Variants in PDE1C observed in about 807,000 individuals in gnomAD.
The protein encoded by PDE1C is dual specificity calcium/calmodulin-dependent 3',5'-cyclic nucleotide phosphodiesterase 1C.
In PDE1C, 62 loss-of-function variants were observed where a neutral mutation model predicts 93.1. That is an observed-to-expected ratio of 0.67 (90% CI 0.54 to 0.82). The LOEUF (loss-of-function observed/expected upper bound fraction) is 0.82. Ranked by LOEUF, PDE1C falls within the 40% of genes least tolerant of loss-of-function variation. The pLI is 0.00. For missense variants in PDE1C, 742 were observed against 884.6 expected, an observed-to-expected ratio of 0.84 and a Z score of 2.04; for synonymous variants, 325 against 310.1, an observed-to-expected ratio of 1.05 and a Z score of -0.50.
intron 7 of PDE1C, among the ~76,000 whole-genome samples, chr7:31,852,174 T>C (rs1288821122): frequency 6.6e-6 from 1 of 152,168 alleles, no homozygotes; most frequent in Non-Finnish European, 1.5e-5. Context: ...TCTTTAAAAA[T>C]TGGTAAGGGG....
At chr7:32,299,043 C>G (rs1585095708) in exon 1 of PDE1C, 12 of 1,149,608 alleles carry the variant, frequency 1.0e-5, no homozygotes, top group Non-Finnish European at 1.3e-5. Context: ...AGCGCGTGGA[C>G]GGGGCTGACC....
chr7:32,312,136 G>A (rs1005910240), intron 1 of PDE1C, among the ~76,000 whole-genome samples: 2 of 151,992 alleles, frequency 1.3e-5, no homozygotes, highest in African/African-American at 4.8e-5. Context: ...GCCAAATCAT[G>A]AGTGAACTCC....
intron 1 of PDE1C, among the ~76,000 whole-genome samples, chr7:32,236,879 A>C (rs1808122478): frequency 6.6e-6 from 1 of 152,176 alleles, no homozygotes; most frequent in Non-Finnish European, 1.5e-5. Flanking sequence ...CAAAAACTGG[A>C]AACAACCCAA....
In PDE1C at chr7:32,122,032, CAAGCAAATGGAAAGCAAAAAAAT is replaced by C. The variant is rs1289932659; in HGVS notation, c.308+47730_308+47752del. Reference sequence around the variant, plus strand: ...AATAAGGGGAAGGAGGAAAATTTACCAAGCAAATGGAAAGCAAAAAAATAGCAAGGGCTGCAATCCTAGTCTCT... The same window carrying C: ...AATAAGGGGAAGGAGGAAAATTTACCAGCAAGGGCTGCAATCCTAGTCTCT... On this transcript the variant is annotated intron_variant, in intron 3 of 18. Coordinates refer to the PDE1C transcript ENST00000396193. 5.9e-5 allele frequency among the ~76,000 whole-genome samples: 9 copies of C among 152,242 alleles called. No homozygotes were observed. The East Asian group carries it at 1.7e-3, about 29-fold the overall frequency.
At chr7:32,331,419 C>T (rs1338304662) in intron 1 of PDE1C, among the ~76,000 whole-genome samples, 2 of 152,192 alleles carry the variant, frequency 1.3e-5, no homozygotes, top group African/African-American at 2.4e-5. Context: ...CAGAAAGAAA[C>T]ATGTCATTAC....
At chr7:32,148,404 T>A (rs2128788008) in intron 3 of PDE1C, among the ~76,000 whole-genome samples, 2 of 152,294 alleles carry the variant, frequency 1.3e-5, no homozygotes, top group Admixed American at 1.3e-4. Flanking sequence ...GTGTGTAATT[T>A]ACACTTACAG....
At chr7:31,967,416 G>T in intron 2 of PDE1C, among the ~76,000 whole-genome samples, 1 of 151,968 alleles carries the variant, frequency 6.6e-6, no homozygotes, top group Non-Finnish European at 1.5e-5. Context: ...CCAGGAAGAA[G>T]TTGAATCTCT....
intron 3 of PDE1C, among the ~76,000 whole-genome samples, chr7:32,154,097 T>A (rs1466896519): frequency 1.3e-5 from 2 of 152,056 alleles, no homozygotes; most frequent in Non-Finnish European, 2.9e-5. Flanking sequence ...GTACAAAAAA[T>A]ATTTTTTAAA....
intron 1 of PDE1C, among the ~76,000 whole-genome samples, chr7:32,345,669 T>C (rs1783839629): frequency 6.6e-6 from 1 of 152,078 alleles, no homozygotes; most frequent in Non-Finnish European, 1.5e-5. Flanking sequence ...ACAACTCAAT[T>C]TAAAAATAAT....
chr7:31,673,151 TG>T, the PDE1C span, among the ~76,000 whole-genome samples: 55 of 152,148 alleles, frequency 3.6e-4, no homozygotes, highest in African/African-American at 1.3e-3. Context: ...ACTAATACAG[TG>T]GGGAAAAAAA....
intron 1 of PDE1C, among the ~76,000 whole-genome samples, chr7:32,363,791 G>T (rs1784181911): frequency 6.6e-6 from 1 of 152,222 alleles, no homozygotes; most frequent in Non-Finnish European, 1.5e-5. Flanking sequence ...CTGATGGCAA[G>T]ATCAGCACTT....
chr7:31,971,430 T>C (rs1810943917), intron 2 of PDE1C, among the ~76,000 whole-genome samples: 1 of 152,172 alleles, frequency 6.6e-6, no homozygotes, highest in Non-Finnish European at 1.5e-5. Context: ...ATGCTGCAGC[T>C]CAGTTTCCTC....
intron 7 of PDE1C, among the ~76,000 whole-genome samples, chr7:31,856,263 C>T (rs1220724237): frequency 6.6e-6 from 1 of 152,140 alleles, no homozygotes; most frequent in African/African-American, 2.4e-5. Context: ...GAATGCTCCC[C>T]ACTGTTTTTG....
chr7:31,800,260 A>G (rs1380787028), intron 16 of PDE1C, among the ~76,000 whole-genome samples: 3 of 151,550 alleles, frequency 2.0e-5, no homozygotes, highest in Non-Finnish European at 3.0e-5. Context: ...AGCATAATTT[A>G]TCAATTTGTT....
intron 2 of PDE1C, among the ~76,000 whole-genome samples, chr7:32,000,593 T>C (rs529348307): frequency 6.6e-6 from 1 of 152,220 alleles, no homozygotes; most frequent in Admixed American, 6.5e-5. Flanking sequence ...CGCAGAACCC[T>C]CTCACCAGCT....
At chr7:31,744,654 T>A in the PDE1C span, among the ~76,000 whole-genome samples, 1 of 152,190 alleles carries the variant, frequency 6.6e-6, no homozygotes, top group Non-Finnish European at 1.5e-5. Flanking sequence ...GCCCTTTCAG[T>A]GACACCATTG....
intron 1 of PDE1C, among the ~76,000 whole-genome samples, chr7:32,268,541 A>G (rs529312605): frequency 4.6e-5 from 7 of 152,204 alleles, no homozygotes; most frequent in Non-Finnish European, 8.8e-5. Context: ...CTGATGCACA[A>G]TAAATATTTG....
intron 16 of PDE1C, among the ~76,000 whole-genome samples, chr7:31,793,417 C>G (rs573211697): frequency 2.0e-5 from 3 of 152,108 alleles, no homozygotes; most frequent in African/African-American, 7.2e-5. Context: ...CAACTATCAC[C>G]TAAACTCAAA....
chr7:32,315,225 CAA>C (rs1208434192), intron 1 of PDE1C, among the ~76,000 whole-genome samples: 1 of 151,812 alleles, frequency 6.6e-6, no homozygotes, highest in Non-Finnish European at 1.5e-5. Flanking sequence ...TAGCCAAGGA[CAA>C]AAAGTTTAAA....
Sources: gnomAD v4.1 joint callset for allele counts (sites outside exome capture counted in the v4.1 genomes callset) on GRCh38, gnomAD v4.1.1 for gene constraint, MANE v1.5 for transcripts, NCBI Gene and HGNC (gene_info 2026-07-23, HGNC 2026-07-21) for gene names.